CLCN3: variants seen among roughly 807,000 people sequenced by gnomAD.
The protein encoded by CLCN3 is Cl-/H+ antiporter 3.
Under a neutral mutation model 83.4 loss-of-function variants are expected in CLCN3, and 16 were observed. The observed-to-expected ratio is 0.19, with a 90% CI of 0.13 to 0.29. The LOEUF is 0.29. Among genes scored for constraint, CLCN3 ranks in the 10% least tolerant of loss-of-function variants. The pLI is 1.00. For synonymous variants in CLCN3, 322 were observed against 346.2 expected, an observed-to-expected ratio of 0.93 and a Z score of 0.78; for missense variants, 544 against 1,006.0, an observed-to-expected ratio of 0.54 and a Z score of 6.21.
chr4:169,700,640 A>C (rs1486672438), intron 9 of CLCN3, among the ~76,000 whole-genome samples: 4 of 152,098 alleles, frequency 2.6e-5, no homozygotes, highest in African/African-American at 9.7e-5. Context: ...TTAATCAATA[A>C]ATATTTTTCT....
chr4:169,719,133 C>T (rs765721068), intron 12 of CLCN3, among the ~76,000 whole-genome samples: 55 of 152,160 alleles, frequency 3.6e-4, no homozygotes, highest in Non-Finnish European at 4.6e-4. Context: ...AGTGGGCAAT[C>T]CTTAAATTAT....
intron 2 of CLCN3, among the ~76,000 whole-genome samples, chr4:169,649,381 T>C (rs1730669321): frequency 6.6e-6 from 1 of 152,148 alleles, no homozygotes; most frequent in Admixed American, 6.5e-5. Flanking sequence ...CATACGAACT[T>C]TGTAATTTAA....
At chr4:169,632,378 C>T (rs530528263) in intron 1 of CLCN3, among the ~76,000 whole-genome samples, 66 of 151,952 alleles carry the variant, frequency 4.3e-4, no homozygotes, top group Non-Finnish European at 8.4e-4. Context: ...TAATGATTAG[C>T]GAAATGGAAA....
At chr4:169,682,402 A>G (rs1193041966) in intron 3 of CLCN3, among the ~76,000 whole-genome samples, 1 of 152,204 alleles carries the variant, frequency 6.6e-6, no homozygotes, top group Admixed American at 6.5e-5. Context: ...ATTTAACTTA[A>G]AAATGACAGG....
At chr4:169,644,411 C>T (rs1581200508) in intron 2 of CLCN3, among the ~76,000 whole-genome samples, 1 of 152,046 alleles carries the variant, frequency 6.6e-6, no homozygotes, top group Non-Finnish European at 1.5e-5. Context: ...ATGTACACCA[C>T]CACGCCTGGC....
At chr4:169,634,595 A>G (rs891060291) in intron 1 of CLCN3, among the ~76,000 whole-genome samples, 4 of 152,374 alleles carry the variant, frequency 2.6e-5, no homozygotes, top group Middle Eastern at 3.4e-3. Context: ...AGCGATAACT[A>G]TAAAACATTC....
intron 2 of CLCN3, among the ~76,000 whole-genome samples, chr4:169,656,436 A>G (rs947938518): frequency 6.6e-6 from 1 of 152,196 alleles, no homozygotes; most frequent in Non-Finnish European, 1.5e-5. Flanking sequence ...ATAATGAGAT[A>G]GCACCAAGTG....
intron 4 of CLCN3, 150 bp downstream of exon 4, chr4:169,687,907 G>T: frequency 1.9e-6 from 1 of 519,788 alleles, no homozygotes; most frequent in Non-Finnish European, 3.5e-6. Flanking sequence ...ATAAGACTAG[G>T]AGGCAGAGGC....
chr4:169,704,617 C>T (rs1328823635), intron 10 of CLCN3, among the ~76,000 whole-genome samples: 2 of 151,998 alleles, frequency 1.3e-5, no homozygotes, highest in African/African-American at 2.4e-5. Flanking sequence ...TTATTGTTAG[C>T]CTTAGTAAAA....
Position 169,692,321 on chromosome 4 carries a change from G to GT in CLCN3, c.936+2dup. On this transcript the variant is annotated splice_donor_variant, in intron 7 of 12. Transcript: ENST00000513761. LOFTEE classifies it high-confidence loss of function. ...CACAAACGAAGCTAAAAAAAGGGAG[G>GT]TAAGTGTCTTTTGTAGTTAATTTGA... 1 of 1,567,616 alleles carries GT rather than the reference G, an allele frequency of 6.4e-7. No homozygotes were observed. Among genetic ancestry groups the GT allele is most frequent in the Non-Finnish European group, 8.8e-7 (1 of 1,140,752 alleles).
intron 1 of CLCN3, among the ~76,000 whole-genome samples, chr4:169,623,344 C>T (rs566071153): frequency 3.3e-5 from 5 of 152,160 alleles, no homozygotes; most frequent in African/African-American, 1.2e-4. Flanking sequence ...ACCCGCTGCC[C>T]CTGAGGAATT....
At chr4:169,644,988 C>G (rs911890826) in intron 2 of CLCN3, among the ~76,000 whole-genome samples, 2 of 152,208 alleles carry the variant, frequency 1.3e-5, no homozygotes, top group South Asian at 4.1e-4. Flanking sequence ...AAAAGGAACA[C>G]TGCCCTGCTG....
intron 6 of CLCN3, among the ~76,000 whole-genome samples, chr4:169,690,862 T>A (rs1223444939): frequency 6.6e-6 from 1 of 152,194 alleles, no homozygotes; most frequent in Non-Finnish European, 1.5e-5. Context: ...AAGGCTGATT[T>A]TTTTTTTCTC....
At chr4:169,648,294 A>G (rs1187398872) in intron 2 of CLCN3, among the ~76,000 whole-genome samples, 1 of 152,248 alleles carries the variant, frequency 6.6e-6, no homozygotes, top group Non-Finnish European at 1.5e-5. Flanking sequence ...TGGGGAAACT[A>G]TGAATGAGAG....
intron 2 of CLCN3, among the ~76,000 whole-genome samples, chr4:169,670,335 C>T (rs1185880553): frequency 1.3e-5 from 2 of 152,158 alleles, no homozygotes; most frequent in East Asian, 3.8e-4. Flanking sequence ...TATGGATAGC[C>T]AGTTTTCCCA....
At chr4:169,658,828 A>G (rs1730961426) in intron 2 of CLCN3, among the ~76,000 whole-genome samples, 1 of 152,134 alleles carries the variant, frequency 6.6e-6, no homozygotes, top group Non-Finnish European at 1.5e-5. Context: ...CCTTTCCTGG[A>G]ACCCTGTCTC....
chr4:169,690,597 C>T lies in CLCN3; in HGVS notation c.674C>T (p.Ala225Val). The T allele has an allele frequency of 2.5e-6, 4 of 1,613,656 alleles. No homozygotes were observed. Among genetic ancestry groups the T allele is most frequent in the Non-Finnish European group, 3.4e-6 (4 of 1,179,590 alleles). ...TGGGCCTTGAGTTTTGCCTTTCTTG[C>T]AGTTTCCCTGGTAAAGGTATTTGCT... is the stretch of plus-strand genomic sequence containing the variant. ...IFWALSFAFL[A>V]VSLVKVFAPY... is the part of the protein sequence containing the mutation. The change falls in exon 6 of 13, where the codon GCA (alanine) becomes GTA (valine). Residue 225 changes from alanine to valine, a missense_variant. Physicochemically the swap from Ala to Val is moderately conservative, Grantham distance 64. Around this residue, in one of 6 missense-constraint regions of CLCN3, gnomAD observed 96 missense variants for 202.1 expected, o/e 0.48. Coordinates refer to ENST00000513761, the MANE Select transcript of CLCN3 (RefSeq NM_001829.4).
chr4:169,669,048 T>C (rs1292035940), intron 2 of CLCN3, among the ~76,000 whole-genome samples: 1 of 152,084 alleles, frequency 6.6e-6, no homozygotes, highest in Non-Finnish European at 1.5e-5. Context: ...TGGGTTCTGT[T>C]ATAGGAAGAA....
At chr4:169,633,756 G>A (rs1436171013) in intron 1 of CLCN3, among the ~76,000 whole-genome samples, 1 of 152,136 alleles carries the variant, frequency 6.6e-6, no homozygotes. Flanking sequence ...ATTTCAACAT[G>A]TAATCAGTAT....
Sources: gnomAD v4.1 joint callset for allele counts (sites outside exome capture counted in the v4.1 genomes callset) on GRCh38, gnomAD v4.1.1 for gene constraint, gnomAD v4.1.1 regional missense constraint, MANE v1.5 for transcripts, NCBI Gene and HGNC (gene_info 2026-07-23, HGNC 2026-07-21) for gene names.